SGCZ: variants seen among roughly 807,000 people sequenced by gnomAD.
SGCZ encodes zeta-sarcoglycan.
SGCZ carries 40 observed loss-of-function variants against 41.3 expected under a neutral mutation model. That is an observed-to-expected ratio of 0.97 (90% CI 0.75 to 1.26). The LOEUF (loss-of-function observed/expected upper bound fraction) is 1.26. Ranked by LOEUF, SGCZ falls within the 50% of genes most tolerant of loss-of-function variation. SGCZ has a pLI of 0.00. For synonymous variants in SGCZ, 206 were observed against 137.5 expected (o/e 1.50, Z -3.49); for missense variants, 552 against 369.8 (o/e 1.49, Z -4.04).
At chr8:15,205,744 C>T (rs1009746938) in intron 1 of SGCZ, among the ~76,000 whole-genome samples, 6 of 152,202 alleles carry the variant, frequency 3.9e-5, no homozygotes, top group South Asian at 4.1e-4. Context: ...CCATTCGCCT[C>T]AGCAATCCCA....
At chr8:15,049,033 G>C (rs528750594) in intron 1 of SGCZ, among the ~76,000 whole-genome samples, 6 of 152,210 alleles carry the variant, frequency 3.9e-5, no homozygotes, top group South Asian at 4.1e-4. Flanking sequence ...AGTATCCTGA[G>C]AAATCATTTA....
At chr8:14,588,246 G>A (rs944896414) in intron 1 of SGCZ, among the ~76,000 whole-genome samples, 4 of 150,806 alleles carry the variant, frequency 2.7e-5, no homozygotes, top group Admixed American at 2.0e-4. Context: ...GTCCCAGTCT[G>A]TCTTTAAAGG....
intron 1 of SGCZ, among the ~76,000 whole-genome samples, chr8:15,001,512 G>A (rs1047745126): frequency 6.6e-6 from 1 of 152,012 alleles, no homozygotes; most frequent in Non-Finnish European, 1.5e-5. Context: ...GGCGGATCAC[G>A]AGGTCAGGAG....
At chr8:14,562,925 T>C (rs1804249700) in intron 1 of SGCZ, among the ~76,000 whole-genome samples, 1 of 152,170 alleles carries the variant, frequency 6.6e-6, no homozygotes, top group African/African-American at 2.4e-5. Context: ...CTAGAGACAA[T>C]GTCAGCAAAT....
At chr8:14,325,741 CACACACATATATATATATATAT>C (rs1298329706) in intron 2 of SGCZ, among the ~76,000 whole-genome samples, 57 of 32,064 alleles carry the variant, frequency 1.8e-3, no homozygotes, top group South Asian at 6.7e-3. Flanking sequence ...CACACACACA[CACACACATATATATATATATAT>C]ATATATATAT....
intron 1 of SGCZ, among the ~76,000 whole-genome samples, chr8:14,870,253 C>T (rs1393717617): frequency 6.6e-6 from 1 of 152,036 alleles, no homozygotes; most frequent in Non-Finnish European, 1.5e-5. Flanking sequence ...GAAAAGAGGC[C>T]TCAGAAATAC....
intron 1 of SGCZ, among the ~76,000 whole-genome samples, chr8:15,039,372 C>CAG (rs961292887): frequency 6.6e-6 from 1 of 152,124 alleles, no homozygotes; most frequent in Non-Finnish European, 1.5e-5. Flanking sequence ...CAGCCAGGCA[C>CAG]AGAGAGACAA....
At chr8:15,026,851 T>G (rs1365745975) in intron 1 of SGCZ, among the ~76,000 whole-genome samples, 3 of 152,172 alleles carry the variant, frequency 2.0e-5, no homozygotes, top group Non-Finnish European at 4.4e-5. Flanking sequence ...ACAATTCTCT[T>G]TTTGAGGAGA....
At chr8:14,662,222 T>C (rs188484458) in intron 1 of SGCZ, among the ~76,000 whole-genome samples, 1 of 152,294 alleles carries the variant, frequency 6.6e-6, no homozygotes, top group African/African-American at 2.4e-5. Flanking sequence ...TTATCTATAT[T>C]CTACCTATAC....
chr8:14,461,384 G>T (rs1002192538), intron 2 of SGCZ, among the ~76,000 whole-genome samples: 1 of 152,058 alleles, frequency 6.6e-6, no homozygotes, highest in African/African-American at 2.4e-5. Context: ...TATCCCCAAT[G>T]TCTCTCACCT....
chr8:14,120,195 A>T (rs1802655948), intron 5 of SGCZ, among the ~76,000 whole-genome samples: 1 of 152,194 alleles, frequency 6.6e-6, no homozygotes, highest in Non-Finnish European at 1.5e-5. Flanking sequence ...CTATCACTGG[A>T]ATATAAGTTT....
intron 2 of SGCZ, among the ~76,000 whole-genome samples, chr8:14,364,615 T>C (rs777939780): frequency 3.9e-5 from 6 of 152,174 alleles, no homozygotes; most frequent in Non-Finnish European, 8.8e-5. Flanking sequence ...ACTTGAGAGA[T>C]GCTATGCGTT....
intron 2 of SGCZ, among the ~76,000 whole-genome samples, chr8:14,367,340 T>G (rs953057538): frequency 6.6e-6 from 1 of 152,098 alleles, no homozygotes; most frequent in African/African-American, 2.4e-5. Flanking sequence ...CATCCCCACA[T>G]CTTCCTGTCT....
intron 1 of SGCZ, among the ~76,000 whole-genome samples, chr8:15,134,017 A>G (rs541574431): frequency 4.1e-4 from 63 of 152,294 alleles, no homozygotes; most frequent in Non-Finnish European, 7.4e-4. Context: ...TTAACGATTT[A>G]TCAGCTTAAG....
At chr8:14,375,474 T>C (rs1804085429) in intron 2 of SGCZ, among the ~76,000 whole-genome samples, 2 of 152,188 alleles carry the variant, frequency 1.3e-5, no homozygotes, top group African/African-American at 4.8e-5. Context: ...ATCTTTATAA[T>C]ATATTAGGTC....
chr8:15,125,236 T>G (rs531464721), intron 1 of SGCZ, among the ~76,000 whole-genome samples: 4 of 152,298 alleles, frequency 2.6e-5, no homozygotes, highest in Non-Finnish European at 2.9e-5. Flanking sequence ...AAGGAAAAAC[T>G]CAAAATAATT....
chr8:14,547,763 G>C (rs1803675395), intron 2 of SGCZ, among the ~76,000 whole-genome samples: 1 of 152,158 alleles, frequency 6.6e-6, no homozygotes, highest in South Asian at 2.1e-4. Context: ...TAAGAAGCTA[G>C]TCTTGGAGCC....
intron 1 of SGCZ, among the ~76,000 whole-genome samples, chr8:14,901,245 T>C (rs1416283365): frequency 6.6e-6 from 1 of 152,130 alleles, no homozygotes; most frequent in Non-Finnish European, 1.5e-5. Context: ...TAAGAAATAA[T>C]TGCTCCATAA....
intron 1 of SGCZ, among the ~76,000 whole-genome samples, chr8:15,204,045 G>C (rs920332564): frequency 1.3e-5 from 2 of 152,088 alleles, no homozygotes; most frequent in African/African-American, 4.8e-5. Flanking sequence ...GAAAAATTTT[G>C]TGGCCATAAT....
Sources: gnomAD v4.1 joint callset for allele counts (sites outside exome capture counted in the v4.1 genomes callset) on GRCh38, gnomAD v4.1.1 for gene constraint, MANE v1.5 for transcripts, NCBI Gene and HGNC (gene_info 2026-07-23, HGNC 2026-07-21) for gene names.